The following POU6F2 variants were observed in gnomAD, a reference collection of about 807,000 sequenced individuals.
The protein encoded by POU6F2 is POU domain, class 6, transcription factor 2.
POU6F2 carries 31 observed loss-of-function variants against 71.3 expected under a neutral mutation model. The observed-to-expected ratio is 0.43, with a 90% confidence interval of 0.33 to 0.59. POU6F2 has a LOEUF of 0.59. POU6F2 is among the 20% of genes least tolerant of loss of function. The pLI is 0.04. For synonymous variants in POU6F2, 347 were observed against 355.7 expected, an observed-to-expected ratio of 0.98 and a Z score of 0.27; for missense variants, 783 against 856.8, an observed-to-expected ratio of 0.91 and a Z score of 1.07.
intron 7 of POU6F2, 136 bp from the exon 8 acceptor site, chr7:39,451,397 A>C: frequency 3.7e-6 from 3 of 800,966 alleles, no homozygotes; most frequent in South Asian, 2.3e-5. Context: ...CCTGCTGTGT[A>C]GGGTGCGCAC....
chr7:39,274,272 C>T (rs1456845992), intron 4 of POU6F2, among the ~76,000 whole-genome samples: 1 of 152,164 alleles, frequency 6.6e-6, no homozygotes, highest in Non-Finnish European at 1.5e-5. Flanking sequence ...CTACAAACAC[C>T]TCTATGCAAA....
At chr7:39,096,834 A>G (rs1367386561) in intron 2 of POU6F2, among the ~76,000 whole-genome samples, 1 of 152,274 alleles carries the variant, frequency 6.6e-6, no homozygotes, top group East Asian at 1.9e-4. Flanking sequence ...ACGTTTAGCA[A>G]GTGAACATAA....
At chr7:39,414,564 G>C (rs181801231) in intron 6 of POU6F2, among the ~76,000 whole-genome samples, 1 of 152,326 alleles carries the variant, frequency 6.6e-6, no homozygotes, top group African/African-American at 2.4e-5. Context: ...TCCGCGGGCG[G>C]CGGACTTGAC....
At chr7:39,405,836 ACT>A (rs1787413573) in intron 5 of POU6F2, among the ~76,000 whole-genome samples, 1 of 151,882 alleles carries the variant, frequency 6.6e-6, no homozygotes, top group African/African-American at 2.4e-5. Context: ...TCTCTCTCCC[ACT>A]CTCTCTTTCT....
chr7:39,365,228 C>T (rs1424266611), intron 5 of POU6F2, among the ~76,000 whole-genome samples: 3 of 152,054 alleles, frequency 2.0e-5, no homozygotes, highest in African/African-American at 7.2e-5. Flanking sequence ...TGGAAATAAA[C>T]CCAAATACTT....
intron 1 of POU6F2, among the ~76,000 whole-genome samples, chr7:39,024,695 A>T (rs1789759950): frequency 6.6e-6 from 1 of 152,130 alleles, no homozygotes; most frequent in Admixed American, 6.6e-5. Flanking sequence ...TACCTAATTT[A>T]TTGAGAGTTT....
chr7:39,421,308 G>A (rs2115969806), intron 6 of POU6F2, among the ~76,000 whole-genome samples: 1 of 152,208 alleles, frequency 6.6e-6, no homozygotes, highest in Non-Finnish European at 1.5e-5. Flanking sequence ...TTTTCTGATT[G>A]AATAGATAGA....
Position 39,389,670 on chromosome 7 carries a change from T to C in POU6F2, c.973-16930T>C, listed in dbSNP as rs555949173. Reference sequence around the variant, plus strand: ...TCCTAACTGTAATATCCAATACATATAAAAATTTGTGTTTCTTGGTTTTAT... The same window carrying C: ...TCCTAACTGTAATATCCAATACATACAAAAATTTGTGTTTCTTGGTTTTAT... On this transcript the variant is annotated intron_variant, in intron 5 of 9. Coordinates refer to ENST00000518318, the MANE Select transcript of POU6F2 (RefSeq NM_001370959.1). Among the ~76,000 whole-genome samples, 83 of 152,344 alleles carry C rather than the reference T, an allele frequency of 5.4e-4. 1 individual carries two copies. The highest frequency in any genetic ancestry group is 1.9e-3 in the African/African-American group (79 of 41,588).
At chr7:39,009,259 C>T (rs1247933238) in intron 1 of POU6F2, among the ~76,000 whole-genome samples, 10 of 150,812 alleles carry the variant, frequency 6.6e-5, no homozygotes, top group Admixed American at 6.6e-5. Flanking sequence ...AGTTGGATTC[C>T]TAAGTATTTT....
At chr7:39,009,972 G>A (rs1789219180) in intron 1 of POU6F2, among the ~76,000 whole-genome samples, 1 of 152,004 alleles carries the variant, frequency 6.6e-6, no homozygotes, top group Non-Finnish European at 1.5e-5. Flanking sequence ...AAGGATACTG[G>A]TCTAAAATTC....
chr7:39,380,179 A>G (rs1234738362), intron 5 of POU6F2, among the ~76,000 whole-genome samples: 2 of 152,196 alleles, frequency 1.3e-5, no homozygotes, highest in East Asian at 3.8e-4. Context: ...TGGCCTAAAA[A>G]ATTCTCTTTT....
At chr7:39,315,349 C>T (rs550082346) in intron 4 of POU6F2, among the ~76,000 whole-genome samples, 6 of 152,214 alleles carry the variant, frequency 3.9e-5, no homozygotes, top group Middle Eastern at 6.8e-3. Flanking sequence ...AACACAAGTC[C>T]CTTAAGTCAT....
intron 7 of POU6F2, among the ~76,000 whole-genome samples, chr7:39,447,244 A>G (rs1788545796): frequency 7.1e-6 from 1 of 141,332 alleles, no homozygotes; most frequent in Non-Finnish European, 1.6e-5. Flanking sequence ...GAAAAGAAAC[A>G]CATTGATAGA....
intron 4 of POU6F2, among the ~76,000 whole-genome samples, chr7:39,283,340 C>G (rs1295431658): frequency 1.3e-5 from 2 of 152,088 alleles, no homozygotes; most frequent in Non-Finnish European, 2.9e-5. Flanking sequence ...CATTCACATT[C>G]GTAAGTAACC....
intron 5 of POU6F2, 88 bp from the exon 6 acceptor site, chr7:39,406,512 G>T: frequency 6.7e-7 from 1 of 1,493,776 alleles, no homozygotes; most frequent in Non-Finnish European, 9.0e-7. Flanking sequence ...ATTGAGGCGA[G>T]AACTACCTCC....
chr7:39,357,861 G>T (rs1316643616), intron 5 of POU6F2, among the ~76,000 whole-genome samples: 1 of 152,212 alleles, frequency 6.6e-6, no homozygotes, highest in Non-Finnish European at 1.5e-5. Flanking sequence ...AGTACGAATT[G>T]CTCTAGCGCC....
intron 5 of POU6F2, among the ~76,000 whole-genome samples, chr7:39,397,186 G>C (rs1254836482): frequency 6.6e-6 from 1 of 152,016 alleles, no homozygotes; most frequent in Non-Finnish European, 1.5e-5. Context: ...TAAGAGGAGG[G>C]CTGCATTTGT....
chr7:39,187,543 G>A (rs544567216), intron 2 of POU6F2, among the ~76,000 whole-genome samples: 32 of 152,354 alleles, frequency 2.1e-4, no homozygotes, highest in African/African-American at 6.5e-4. Flanking sequence ...GCACGTCACC[G>A]AGGGCCGCTG....
chr7:39,286,304 TAC>T (rs1784649038), intron 4 of POU6F2, among the ~76,000 whole-genome samples: 1 of 152,206 alleles, frequency 6.6e-6, no homozygotes, highest in Non-Finnish European at 1.5e-5. Flanking sequence ...ATGGCTGGGG[TAC>T]ACACAGTTTA....
Sources: gnomAD v4.1 joint callset for allele counts (sites outside exome capture counted in the v4.1 genomes callset) on GRCh38, gnomAD v4.1.1 for gene constraint, MANE v1.5 for transcripts, NCBI Gene and HGNC (gene_info 2026-07-23, HGNC 2026-07-21) for gene names.